Variants in GMDS observed in about 807,000 individuals in gnomAD.
GMDS encodes GDP-mannose 4,6 dehydratase.
Under a neutral mutation model 49.9 loss-of-function variants are expected in GMDS, and 20 were observed. The observed-to-expected ratio is 0.40, with a 90% CI of 0.28 to 0.58. The LOEUF (loss-of-function observed/expected upper bound fraction) is 0.58. GMDS is among the 20% of genes least tolerant of loss of function. The pLI is 0.42. For missense variants in GMDS, 362 were observed against 481.4 expected, an observed-to-expected ratio of 0.75 and a Z score of 2.32; for synonymous variants, 177 against 178.6, an observed-to-expected ratio of 0.99 and a Z score of 0.07.
intron 9 of GMDS, among the ~76,000 whole-genome samples, chr6:1,674,969 C>T (rs1015372833): frequency 6.6e-6 from 1 of 151,074 alleles, no homozygotes; most frequent in Non-Finnish European, 1.5e-5. Context: ...CAGAGTTTTG[C>T]TCTTGTTGCC....
intron 7 of GMDS, among the ~76,000 whole-genome samples, chr6:1,815,566 G>A (rs1016014553): frequency 6.6e-6 from 1 of 152,060 alleles, no homozygotes; most frequent in Non-Finnish European, 1.5e-5. Context: ...AAAACCAAAC[G>A]AAAAACAGTC....
intron 9 of GMDS, among the ~76,000 whole-genome samples, chr6:1,686,118 C>T (rs1226164937): frequency 6.6e-6 from 1 of 152,138 alleles, no homozygotes; most frequent in Non-Finnish European, 1.5e-5. Flanking sequence ...CTGTAGCCCT[C>T]ATTACAGACC....
At chr6:1,908,951 C>T (rs1760912892) in intron 7 of GMDS, among the ~76,000 whole-genome samples, 1 of 152,182 alleles carries the variant, frequency 6.6e-6, no homozygotes, top group Admixed American at 6.5e-5. Context: ...CTGTAATTAG[C>T]ATGCCTATAA....
chr6:1,803,229 C>A (rs1770019979), intron 7 of GMDS, among the ~76,000 whole-genome samples: 2 of 151,586 alleles, frequency 1.3e-5, no homozygotes, highest in South Asian at 4.3e-4. Flanking sequence ...CAGCTTGGTG[C>A]AATTATTTCA....
At chr6:1,955,106 G>A (rs1763560935) in intron 6 of GMDS, among the ~76,000 whole-genome samples, 1 of 151,794 alleles carries the variant, frequency 6.6e-6, no homozygotes, top group African/African-American at 2.4e-5. Context: ...CTACAGATTT[G>A]CTTAATGCAG....
At chr6:2,102,071 C>T (rs576017474) in intron 4 of GMDS, among the ~76,000 whole-genome samples, 1 of 152,012 alleles carries the variant, frequency 6.6e-6, no homozygotes, top group Non-Finnish European at 1.5e-5. Flanking sequence ...TTATACTACA[C>T]TGGAAATTTT....
intron 1 of GMDS, among the ~76,000 whole-genome samples, chr6:2,190,527 T>G (rs1444533060): frequency 6.6e-6 from 1 of 152,218 alleles, no homozygotes; most frequent in Non-Finnish European, 1.5e-5. Flanking sequence ...CCACCCAGTG[T>G]TTCCTGAGGT....
intron 2 of GMDS, among the ~76,000 whole-genome samples, chr6:2,121,034 G>A (rs1309231401): frequency 6.6e-6 from 1 of 152,146 alleles, no homozygotes; most frequent in Admixed American, 6.5e-5. Context: ...TGGGAGATAG[G>A]TGTGCTTATC....
intron 7 of GMDS, among the ~76,000 whole-genome samples, chr6:1,805,887 A>G (rs1770156104): frequency 6.6e-6 from 1 of 152,240 alleles, no homozygotes; most frequent in Non-Finnish European, 1.5e-5. Context: ...AAACTCTGGT[A>G]TAAGGTATTT....
At chr6:1,695,232 T>C (rs1234722525) in intron 9 of GMDS, among the ~76,000 whole-genome samples, 1 of 152,220 alleles carries the variant, frequency 6.6e-6, no homozygotes, top group Non-Finnish European at 1.5e-5. Flanking sequence ...CTGGCTACTG[T>C]TTAAGATCCT....
At chr6:2,113,762 C>G (rs577440940) in intron 4 of GMDS, among the ~76,000 whole-genome samples, 1 of 152,216 alleles carries the variant, frequency 6.6e-6, no homozygotes, top group Non-Finnish European at 1.5e-5. Context: ...AGAGGTGTAT[C>G]TGACACAGCT....
intron 7 of GMDS, among the ~76,000 whole-genome samples, chr6:1,876,788 T>G: frequency 6.6e-6 from 1 of 152,236 alleles, no homozygotes; most frequent in East Asian, 1.9e-4. Flanking sequence ...AAATAAAATG[T>G]TTCCTTCCTT....
At chr6:2,219,478 T>G (rs994567016) in intron 1 of GMDS, among the ~76,000 whole-genome samples, 2 of 152,198 alleles carry the variant, frequency 1.3e-5, no homozygotes, top group African/African-American at 4.8e-5. Context: ...CTGTCTGCAG[T>G]AAAGAACTAG....
chr6:1,787,970 G>C (rs567323674), intron 7 of GMDS, among the ~76,000 whole-genome samples: 1 of 152,164 alleles, frequency 6.6e-6, no homozygotes, highest in Admixed American at 6.5e-5. Context: ...AAGGCAACCC[G>C]AGACAGGCAG....
chr6:1,657,001 T>C (rs978910327), intron 9 of GMDS, among the ~76,000 whole-genome samples: 3 of 152,034 alleles, frequency 2.0e-5, no homozygotes, highest in Admixed American at 6.5e-5. Context: ...GGGGGGCACA[T>C]CTCACCCAAG....
chr6:1,839,349 T>C (rs942877290), intron 7 of GMDS, among the ~76,000 whole-genome samples: 7 of 152,208 alleles, frequency 4.6e-5, no homozygotes, highest in African/African-American at 1.7e-4. Flanking sequence ...TCCCGATTAG[T>C]ACTGGGTTAA....
chr6:1,971,249 C>T (rs1236763610), intron 4 of GMDS, among the ~76,000 whole-genome samples: 3 of 152,112 alleles, frequency 2.0e-5, no homozygotes, highest in African/African-American at 7.2e-5. Context: ...TATCTGGGCC[C>T]TTTCACCAGT....
intron 4 of GMDS, among the ~76,000 whole-genome samples, chr6:2,030,715 T>C (rs538087310): frequency 1.3e-5 from 2 of 152,276 alleles, no homozygotes; most frequent in East Asian, 3.9e-4. Context: ...GTTGACAAAC[T>C]ATGCATTGGC....
chr6:2,146,710 G>C (rs769793058), intron 1 of GMDS, among the ~76,000 whole-genome samples: 1 of 152,108 alleles, frequency 6.6e-6, no homozygotes, highest in Non-Finnish European at 1.5e-5. Flanking sequence ...TTTATAGTAG[G>C]GATGTTTGAT....
Sources: gnomAD v4.1 joint callset for allele counts (sites outside exome capture counted in the v4.1 genomes callset) on GRCh38, gnomAD v4.1.1 for gene constraint, MANE v1.5 for transcripts, NCBI Gene and HGNC (gene_info 2026-07-23, HGNC 2026-07-21) for gene names.